BRAF: variants seen among roughly 807,000 people sequenced by gnomAD.
BRAF encodes B-Raf proto-oncogene, serine/threonine kinase, also known as serine/threonine-protein kinase B-raf.
A neutral mutation model predicts 104.6 loss-of-function variants in BRAF; 16 were observed. That is an observed-to-expected ratio of 0.15 (90% CI 0.10 to 0.23). BRAF has a LOEUF of 0.23. Ranked by LOEUF, BRAF falls within the 10% of genes least tolerant of loss-of-function variation. BRAF has a pLI of 1.00. For missense variants in BRAF, 541 were observed against 937.3 expected, an observed-to-expected ratio of 0.58 and a Z score of 5.52; for synonymous variants, 310 against 341.6, an observed-to-expected ratio of 0.91 and a Z score of 1.02.
chr7:140,903,387 C>A (rs1376306727), intron 1 of BRAF, among the ~76,000 whole-genome samples: 1 of 152,172 alleles, frequency 6.6e-6, no homozygotes, highest in Non-Finnish European at 1.5e-5. Flanking sequence ...ACAGCATATT[C>A]TTTTACAACA....
At chr7:140,921,208 T>C (rs1818185969) in intron 1 of BRAF, among the ~76,000 whole-genome samples, 1 of 152,144 alleles carries the variant, frequency 6.6e-6, no homozygotes, top group Non-Finnish European at 1.5e-5. Context: ...AAAATGTATT[T>C]ATTATACCAT....
At chr7:140,788,573 C>A (rs1801627580) in intron 8 of BRAF, among the ~76,000 whole-genome samples, 1 of 151,986 alleles carries the variant, frequency 6.6e-6, no homozygotes, top group African/African-American at 2.4e-5. Flanking sequence ...CAAAGTGGCT[C>A]ATAGAAAGGT....
chr7:140,858,270 G>A (rs1464174793), intron 1 of BRAF, among the ~76,000 whole-genome samples: 5 of 152,156 alleles, frequency 3.3e-5, no homozygotes, highest in Admixed American at 3.3e-4. Context: ...CATCACCCAT[G>A]AAGTATACAT....
chr7:140,802,710 T>G (rs114211855), intron 5 of BRAF, among the ~76,000 whole-genome samples: 1 of 152,172 alleles, frequency 6.6e-6, no homozygotes, highest in East Asian at 1.9e-4. Context: ...AGCTATATAA[T>G]GTTTTTAAAC....
intron 19 of BRAF, chr7:140,733,657 G>C (rs1471976334): frequency 6.6e-6 from 1 of 152,210 alleles, no homozygotes; most frequent in African/African-American, 2.4e-5. Flanking sequence ...CAATGATAAG[G>C]TGATTGCTAA....
At chr7:140,808,386 A>G in intron 4 of BRAF, 1 of 446,764 alleles carries the variant, frequency 2.2e-6, no homozygotes, top group Non-Finnish European at 4.3e-6. Context: ...AATCACAGGT[A>G]CGGACTTATC....
chr7:140,788,101 G>C, intron 8 of BRAF, among the ~76,000 whole-genome samples: 1 of 152,072 alleles, frequency 6.6e-6, no homozygotes. Flanking sequence ...GTTGACCTAC[G>C]TAACAACCCT....
intron 14 of BRAF, among the ~76,000 whole-genome samples, chr7:140,758,714 C>A (rs568030770): frequency 6.6e-6 from 1 of 152,208 alleles, no homozygotes; most frequent in Non-Finnish European, 1.5e-5. Flanking sequence ...CTCGGCCTCC[C>A]GAAGTGCTAG....
In BRAF at chr7:140,720,913, C is replaced by T. The variant is rs1795289129; in HGVS notation, c.*5581G>A. On this transcript the variant is annotated 3_prime_UTR_variant, in exon 20 of 20. Transcript: ENST00000644969. ...CATCTCTTCACAAATTTTCTGCCAA[C>T]TCTCCCGCATATGTGCTGTACATGA... The T allele has an allele frequency of 9.4e-7, 1 of 1,066,028 alleles. No individual in the cohort carries two copies. The highest frequency in any genetic ancestry group is 1.1e-6 in the Non-Finnish European group (1 of 879,712). 66.0% of individuals were successfully genotyped at this position (1,066,028 alleles called of 1,614,324 possible).
At chr7:140,809,082 T>A in intron 3 of BRAF, 87 bp from the exon 4 acceptor site, 1 of 1,071,548 alleles carries the variant, frequency 9.3e-7, no homozygotes, top group Non-Finnish European at 1.4e-6. Context: ...AATTCATCTT[T>A]AAAAAGTCAA....
intron 1 of BRAF, among the ~76,000 whole-genome samples, chr7:140,892,994 G>T (rs1001817045): frequency 5.3e-5 from 8 of 152,068 alleles, no homozygotes; most frequent in African/African-American, 1.9e-4. Context: ...TCAAATCATC[G>T]AACAGGAATC....
At chr7:140,729,725 C>T (rs1241955404) in intron 19 of BRAF, among the ~76,000 whole-genome samples, 1 of 152,158 alleles carries the variant, frequency 6.6e-6, no homozygotes, top group Non-Finnish European at 1.5e-5. Flanking sequence ...CTGCAGTTAG[C>T]TGAGCTCACA....
intron 16 of BRAF, 72 bp downstream of exon 15, chr7:140,753,203 T>A (rs760102842): frequency 3.1e-5 from 34 of 1,086,306 alleles, no homozygotes; most frequent in Non-Finnish European, 4.4e-5. Context: ...AGACCTTCAA[T>A]GACTTTCTAG....
chr7:140,870,460 G>A (rs1811451445), intron 1 of BRAF, among the ~76,000 whole-genome samples: 2 of 151,970 alleles, frequency 1.3e-5, no homozygotes, highest in Admixed American at 6.6e-5. Flanking sequence ...GTTATTATTA[G>A]TTTAGACTAT....
chr7:140,789,510 C>T (rs1245082469), intron 8 of BRAF, among the ~76,000 whole-genome samples: 2 of 152,074 alleles, frequency 1.3e-5, no homozygotes, highest in Non-Finnish European at 2.9e-5. Context: ...AAATCAAATA[C>T]GTACCTGAAA....
chr7:140,883,489 C>G (rs1813178031), intron 1 of BRAF, among the ~76,000 whole-genome samples: 1 of 152,220 alleles, frequency 6.6e-6, no homozygotes, highest in Non-Finnish European at 1.5e-5. Context: ...ATGTGAGGCA[C>G]TGCTGTAGTG....
intron 1 of BRAF, among the ~76,000 whole-genome samples, chr7:140,916,498 CAA>C (rs1413421628): frequency 6.6e-6 from 1 of 152,246 alleles, no homozygotes; most frequent in Admixed American, 6.5e-5. Flanking sequence ...GTATCTTTCA[CAA>C]CCTAATTGAC....
At chr7:140,734,797 G>GC in intron 18 of BRAF, 27 bp from the exon 18 acceptor site, 1 of 1,126,488 alleles carries the variant, frequency 8.9e-7, no homozygotes, top group South Asian at 1.8e-5. Flanking sequence ...AAAAAAAAAA[G>GC]AAAAAAAAAG....
Position 140,726,306 on chromosome 7 carries a change from T to C in BRAF, c.*188A>G. 1 of 1,423,266 alleles carries C rather than the reference T, an allele frequency of 7.0e-7. No homozygotes were observed. Among genetic ancestry groups the C allele is most frequent in the Non-Finnish European group, 9.1e-7 (1 of 1,096,492 alleles). 88.2% of individuals were successfully genotyped at this position (1,423,266 alleles called of 1,614,324 possible). A position where few individuals can be genotyped will look rare whatever the true frequency, so the allele number is the denominator to read the frequency against. The stretch of plus-strand genomic sequence containing the variant: ...TTGAAGAAACACTGGCAGCAGAGAA[T>C]TCTGGTTCCTAAAACATTCTTTCCT... On this transcript the variant is annotated 3_prime_UTR_variant, in exon 20 of 20. Coordinates refer to ENST00000644969, the MANE Select transcript of BRAF (RefSeq NM_001374258.1).
Sources: allele counts gnomAD v4.1 joint callset (sites outside exome capture counted in the v4.1 genomes callset), GRCh38; gene constraint gnomAD v4.1.1; transcripts MANE v1.5; gene names NCBI Gene and HGNC (gene_info 2026-07-23, HGNC 2026-07-21).